S100Z: variants seen among roughly 807,000 people sequenced by gnomAD.
The protein encoded by S100Z is protein S100-Z.
In S100Z, 11 loss-of-function variants were observed where a neutral mutation model predicts 8.5. That is an observed-to-expected ratio of 1.30 (90% CI 0.82 to 2.15). The LOEUF is 2.15. Among genes scored for constraint, S100Z ranks in the 30% most tolerant of loss-of-function variants. S100Z has a pLI of 0.00. For synonymous variants in S100Z, 34 were observed against 43.8 expected (o/e 0.78, Z 0.89); for missense variants, 126 against 117.9 (o/e 1.07, Z -0.32).
Position 76,864,688 on chromosome 5 carries a change from G to A in S100Z, c.-175-5478G>A, listed in dbSNP as rs1197182531. ...CAGAGTGCTGGGATTATAGGCGTGA[G>A]CCACTGGCCTGGCCTCATTTATTAT... On this transcript the variant is annotated intron_variant, in intron 1 of 4. Coordinates refer to ENST00000317593, the MANE Select transcript of S100Z (RefSeq NM_130772.4). 4.0e-5 allele frequency among the ~76,000 whole-genome samples: 6 copies of A among 151,866 alleles called. No individual in the cohort carries two copies. The East Asian group carries it at 1.2e-3, about 29-fold the overall frequency.
rs191347109 is a variant in S100Z at position 76,852,712 on chromosome 5, C to T, written c.-176+2557C>T. ...CCTGGGTGACAGAGTGAGACTCTGT[C>T]TCAAAAAACAAACAAACAAACAAAA... On this transcript the variant is annotated intron_variant, in intron 1 of 4. Coordinates refer to ENST00000317593, the MANE Select transcript of S100Z (RefSeq NM_130772.4). 3.9e-5 allele frequency among the ~76,000 whole-genome samples: 6 copies of T among 152,200 alleles called. No homozygotes were observed. In the East Asian group the frequency reaches 9.7e-4, roughly 25 times the overall value.
the S100Z span, among the ~76,000 whole-genome samples, chr5:76,941,562 G>T: frequency 0.013 from 1,964 of 152,326 alleles, 40 homozygotes; most frequent in African/African-American, 0.044. Flanking sequence ...AAATGACCCA[G>T]TCTTGGGTAT....
chr5:76,887,475 C>G (rs1172621274), intron 4 of S100Z, among the ~76,000 whole-genome samples: 1 of 146,224 alleles, frequency 6.8e-6, no homozygotes, highest in Non-Finnish European at 1.5e-5. Context: ...TCTTGGCTCA[C>G]TGCAACCTCC....
At chr5:76,864,926 T>G (rs1751213166) in intron 1 of S100Z, among the ~76,000 whole-genome samples, 1 of 149,402 alleles carries the variant, frequency 6.7e-6, no homozygotes, top group Non-Finnish European at 1.5e-5. Flanking sequence ...CCAGGCTGGT[T>G]TCAAACTCCT....
At chr5:76,942,808 T>C in the S100Z span, among the ~76,000 whole-genome samples, 1 of 152,164 alleles carries the variant, frequency 6.6e-6, no homozygotes, top group Non-Finnish European at 1.5e-5. Flanking sequence ...CAGACAAAGG[T>C]TGTCATACAG....
chr5:76,885,919 G>A (rs35807598), intron 4 of S100Z, among the ~76,000 whole-genome samples: 76,091 of 142,070 alleles, frequency 0.54, 22,386 homozygotes, highest in Non-Finnish European at 0.66. Flanking sequence ...AGGAGTGGGG[G>A]GTGCTTGCCT....
intron 3 of S100Z, among the ~76,000 whole-genome samples, 174 bp from the exon 4 acceptor site, chr5:76,877,500 A>G (rs996251170): frequency 5.3e-5 from 8 of 152,204 alleles, no homozygotes; most frequent in Non-Finnish European, 8.8e-5. Flanking sequence ...AGGGGGCTAG[A>G]TTCGTTTAGA....
chr5:76,854,365 A>C, intron 1 of S100Z, among the ~76,000 whole-genome samples: 1 of 152,166 alleles, frequency 6.6e-6, no homozygotes. Context: ...CAAAATGCTG[A>C]TAGTAATATG....
the S100Z span, among the ~76,000 whole-genome samples, chr5:76,944,070 T>C: frequency 6.6e-6 from 1 of 152,130 alleles, no homozygotes; most frequent in East Asian, 1.9e-4. Context: ...CCTCACCCTA[T>C]CCCGGCCCCA....
chr5:76,949,312 C>G, the S100Z span, among the ~76,000 whole-genome samples: 1 of 151,990 alleles, frequency 6.6e-6, no homozygotes, highest in African/African-American at 2.4e-5. Flanking sequence ...TGGCGTGGAC[C>G]CAGGAGGCAG....
intron 4 of S100Z, among the ~76,000 whole-genome samples, chr5:76,918,395 C>T (rs968289520): frequency 3.9e-5 from 6 of 152,158 alleles, no homozygotes; most frequent in African/African-American, 1.4e-4. Flanking sequence ...TTTGTAGAGA[C>T]AGGGTTTTGC....
chr5:76,888,612 G>T (rs1743744437), intron 4 of S100Z, among the ~76,000 whole-genome samples: 1 of 151,994 alleles, frequency 6.6e-6, no homozygotes, highest in Non-Finnish European at 1.5e-5. Flanking sequence ...TCCTGACCTT[G>T]TGATCCGCCC....
intron 4 of S100Z, among the ~76,000 whole-genome samples, chr5:76,914,184 C>A (rs1744773920): frequency 6.6e-6 from 1 of 152,084 alleles, no homozygotes; most frequent in South Asian, 2.1e-4. Context: ...TTGCCCTTAT[C>A]CAGCAGGAAG....
intron 4 of S100Z, among the ~76,000 whole-genome samples, chr5:76,890,885 C>G (rs1204295301): frequency 2.0e-5 from 3 of 152,112 alleles, no homozygotes; most frequent in African/African-American, 7.2e-5. Flanking sequence ...TTTTTTGAGA[C>G]AGAGTCTTGC....
intron 4 of S100Z, among the ~76,000 whole-genome samples, chr5:76,906,775 G>C (rs918232725): frequency 6.6e-6 from 1 of 151,500 alleles, no homozygotes; most frequent in African/African-American, 2.4e-5. Context: ...TGGGATTACA[G>C]GTGCCTGCCA....
chr5:76,914,985 C>T (rs1320213622), intron 4 of S100Z, among the ~76,000 whole-genome samples: 3 of 152,194 alleles, frequency 2.0e-5, no homozygotes, highest in Non-Finnish European at 4.4e-5. Context: ...GTCAGCAAGA[C>T]CAAGAATCCA....
chr5:76,875,137 C>A (rs570484282), intron 2 of S100Z, among the ~76,000 whole-genome samples, 167 bp from the exon 3 acceptor site: 183 of 152,262 alleles, frequency 1.2e-3, no homozygotes, highest in Middle Eastern at 6.8e-3. Context: ...GTGATCCACC[C>A]ATCTCTGCCT....
intron 1 of S100Z, among the ~76,000 whole-genome samples, chr5:76,868,699 C>T (rs571730110): frequency 1.0e-4 from 15 of 149,644 alleles, no homozygotes; most frequent in East Asian, 2.0e-4. Context: ...TCTCGGCTCA[C>T]GGTAACCTCT....
At chr5:76,916,890 C>T (rs1460635925) in intron 4 of S100Z, among the ~76,000 whole-genome samples, 6 of 151,998 alleles carry the variant, frequency 3.9e-5, no homozygotes, top group Non-Finnish European at 7.4e-5. Context: ...CTTTGTGAGG[C>T]CAAGGCAGGT....
Sources: allele counts gnomAD v4.1 joint callset (sites outside exome capture counted in the v4.1 genomes callset), GRCh38; gene constraint gnomAD v4.1.1; transcripts MANE v1.5; gene names NCBI Gene and HGNC (gene_info 2026-07-23, HGNC 2026-07-21).